The following IL1RAPL2 variants were observed in gnomAD, a reference collection of about 807,000 sequenced individuals.
IL1RAPL2 encodes interleukin 1 receptor accessory protein like 2, also known as X-linked interleukin-1 receptor accessory protein-like 2.
A neutral mutation model predicts 44.1 loss-of-function variants in IL1RAPL2; 3 were observed. The observed-to-expected ratio is 0.07, with a 90% CI of 0.03 to 0.18. IL1RAPL2 has a LOEUF of 0.18. IL1RAPL2 is among the 10% of genes least tolerant of loss of function. The probability of loss-of-function intolerance (pLI) is 1.00; values close to 1 mark genes in which losing one functional copy is unlikely to be tolerated. For missense variants in IL1RAPL2, 391 were observed against 496.4 expected, an observed-to-expected ratio of 0.79 and a Z score of 2.02; for synonymous variants, 181 against 178.8, an observed-to-expected ratio of 1.01 and a Z score of -0.10.
intron 2 of IL1RAPL2, among the ~76,000 whole-genome samples, chrX:105,071,950 G>A (rs2032212736): frequency 8.9e-6 from 1 of 111,918 alleles, no homozygotes; most frequent in African/African-American, 3.2e-5. Flanking sequence ...CTTGACATTG[G>A]TCTGAGCAAA....
At chrX:104,861,945 A>G (rs1055816764) in intron 2 of IL1RAPL2, among the ~76,000 whole-genome samples, 1 of 111,309 alleles carries the variant, frequency 9.0e-6, no homozygotes, top group African/African-American at 3.3e-5. Flanking sequence ...TAGTCAGAGA[A>G]AGGTTTTAAA....
At chrX:105,147,222 C>G (rs993726260) in intron 2 of IL1RAPL2, among the ~76,000 whole-genome samples, 29 of 111,674 alleles carry the variant, frequency 2.6e-4, no homozygotes, top group African/African-American at 9.1e-4. Context: ...ACCAAACATT[C>G]TGTCACTCTA....
chrX:105,642,218 G>C (rs890839263), intron 6 of IL1RAPL2, among the ~76,000 whole-genome samples: 2 of 110,129 alleles, frequency 1.8e-5, no homozygotes, highest in Admixed American at 9.7e-5. Context: ...TCACAGCCCT[G>C]CTAGGTGGTT....
intron 1 of IL1RAPL2, among the ~76,000 whole-genome samples, chrX:104,599,171 A>G (rs1928824423): frequency 8.9e-6 from 1 of 112,143 alleles, no homozygotes; most frequent in African/African-American, 3.2e-5. Context: ...ACCTGGAAGA[A>G]TGATCTGTAT....
chrX:105,230,432 A>G (rs2034058533), intron 3 of IL1RAPL2, among the ~76,000 whole-genome samples: 1 of 108,250 alleles, frequency 9.2e-6, no homozygotes, highest in Non-Finnish European at 1.9e-5. Context: ...AATTATAAGT[A>G]TTATATATTA....
At chrX:105,310,647 C>T (rs978119932) in intron 5 of IL1RAPL2, among the ~76,000 whole-genome samples, 2 of 111,543 alleles carry the variant, frequency 1.8e-5, no homozygotes, top group Non-Finnish European at 3.8e-5. Flanking sequence ...TTTTTATGTG[C>T]TGTATTTTCA....
chrX:104,869,713 G>T (rs1226007914), intron 2 of IL1RAPL2, among the ~76,000 whole-genome samples: 1 of 111,755 alleles, frequency 8.9e-6, no homozygotes, highest in Non-Finnish European at 1.9e-5. Flanking sequence ...CTATATCCAT[G>T]AACAGTTTTA....
At chrX:105,603,272 A>AT (rs34418348) in intron 6 of IL1RAPL2, among the ~76,000 whole-genome samples, 34,180 of 107,303 alleles carry the variant, frequency 0.32, 4,380 homozygotes, top group Middle Eastern at 0.4. Context: ...ACCCAGTCAT[A>AT]TGACACCTAT....
At chrX:105,399,120 A>G (rs891600809) in intron 5 of IL1RAPL2, among the ~76,000 whole-genome samples, 3 of 111,813 alleles carry the variant, frequency 2.7e-5, no homozygotes, top group African/African-American at 9.7e-5. Context: ...TATAATCTTC[A>G]GAAATCCCCT....
At chrX:105,244,375 G>A (rs2034201776) in intron 4 of IL1RAPL2, among the ~76,000 whole-genome samples, 1 of 111,402 alleles carries the variant, frequency 9.0e-6, no homozygotes, top group Non-Finnish European at 1.9e-5. Context: ...TATACCCCCT[G>A]CAATATTGCC....
At chrX:105,036,048 C>A (rs1673694247) in intron 2 of IL1RAPL2, among the ~76,000 whole-genome samples, 1 of 111,827 alleles carries the variant, frequency 8.9e-6, no homozygotes, top group African/African-American at 3.2e-5. Flanking sequence ...TATGGAAGAT[C>A]ATGAGGTATC....
intron 3 of IL1RAPL2, among the ~76,000 whole-genome samples, chrX:105,231,993 C>T (rs1237872077): frequency 2.7e-5 from 3 of 112,263 alleles, no homozygotes; most frequent in Non-Finnish European, 5.6e-5. Context: ...ATAAATGTTT[C>T]TTTCACTTAA....
At chrX:105,390,234 A>G (rs1345146561) in intron 5 of IL1RAPL2, among the ~76,000 whole-genome samples, 1 of 111,115 alleles carries the variant, frequency 9.0e-6, no homozygotes. Flanking sequence ...GGTTTCCATT[A>G]CTATGGACTT....
intron 2 of IL1RAPL2, among the ~76,000 whole-genome samples, chrX:104,677,958 C>T (rs926529236): frequency 1.8e-5 from 2 of 112,428 alleles, no homozygotes; most frequent in East Asian, 2.9e-4. Context: ...CTTCGGCTCG[C>T]GCATGGTGCG....
At chrX:105,532,648 T>C (rs2036646503) in intron 6 of IL1RAPL2, among the ~76,000 whole-genome samples, 1 of 99,054 alleles carries the variant, frequency 1.0e-5, no homozygotes, top group Admixed American at 9.9e-5. Context: ...TGTAAAATAG[T>C]AAATTCAGAA....
chrX:105,205,625 A>AAAAAT (rs2033756665), intron 3 of IL1RAPL2, among the ~76,000 whole-genome samples: 3 of 89,549 alleles, frequency 3.4e-5, no homozygotes, highest in Non-Finnish European at 6.4e-5. Flanking sequence ...AAAAAAAAAA[A>AAAAAT]GTGCTAAAGA....
At chrX:105,659,199 A>C (rs2037700163) in intron 6 of IL1RAPL2, among the ~76,000 whole-genome samples, 1 of 110,488 alleles carries the variant, frequency 9.1e-6, no homozygotes, top group Non-Finnish European at 1.9e-5. Flanking sequence ...GAACACATAA[A>C]CTCAACAAAT....
chrX:105,517,716 T>A (rs1052238153), intron 6 of IL1RAPL2, among the ~76,000 whole-genome samples: 3 of 111,466 alleles, frequency 2.7e-5, no homozygotes, highest in Non-Finnish European at 5.7e-5. Context: ...CACTCGAGCT[T>A]TCATAGCATT....
At chrX:105,582,514 A>T (rs1204766350) in intron 6 of IL1RAPL2, among the ~76,000 whole-genome samples, 1 of 111,289 alleles carries the variant, frequency 9.0e-6, no homozygotes, top group Non-Finnish European at 1.9e-5. Flanking sequence ...TTTTCAGTAT[A>T]TAAAATAACA....
Sources: gnomAD v4.1 joint callset for allele counts (sites outside exome capture counted in the v4.1 genomes callset) on GRCh38, gnomAD v4.1.1 for gene constraint, MANE v1.5 for transcripts, NCBI Gene and HGNC (gene_info 2026-07-23, HGNC 2026-07-21) for gene names.